TSPAN7: variants seen among roughly 807,000 people sequenced by gnomAD.
TSPAN7 encodes the protein tetraspanin-7.
TSPAN7 carries 1 observed loss-of-function variant against 17.6 expected under a neutral mutation model. The observed-to-expected ratio is 0.06, with a 90% CI of 0.02 to 0.27. The LOEUF (loss-of-function observed/expected upper bound fraction) is 0.27. Ranked by LOEUF, TSPAN7 falls within the 10% of genes least tolerant of loss-of-function variation. TSPAN7 has a pLI of 1.00. For missense variants in TSPAN7, 112 were observed against 201.7 expected (o/e 0.56, Z 2.69); for synonymous variants, 78 against 79.0 (o/e 0.99, Z 0.07).
rs770109189 is a variant in TSPAN7 at position 38,681,603 on chromosome X, A to G, written c.681+316A>G. 5.4e-5 allele frequency among the ~76,000 whole-genome samples: 6 copies of G among 111,932 alleles called. No homozygotes were observed. In the Admixed American group the frequency reaches 5.7e-4, roughly 11 times the overall value. ...AATTGGATCATAAACAACTCAAAAC[A>G]TCAAATGGCTGATCTGGATTTGGGG... On this transcript the variant is annotated intron_variant, in intron 6 of 7. Transcript: ENST00000378482.
intron 1 of TSPAN7, among the ~76,000 whole-genome samples, chrX:38,602,586 A>G (rs2069352378): frequency 1.8e-5 from 2 of 112,528 alleles, no homozygotes; most frequent in Admixed American, 1.9e-4. Context: ...AAAACATTCA[A>G]TTTAACCAGT....
At chrX:38,666,006 A>C (rs1166269923) in intron 1 of TSPAN7, 115 bp from the exon 2 acceptor site, 1 of 662,400 alleles carries the variant, frequency 1.5e-6, no homozygotes, top group Admixed American at 2.7e-5. Context: ...AGGGAATCCT[A>C]CAGCAAGTAC....
At chrX:38,654,854 C>T (rs763543368) in intron 1 of TSPAN7, among the ~76,000 whole-genome samples, 3 of 112,065 alleles carry the variant, frequency 2.7e-5, no homozygotes, top group Non-Finnish European at 3.8e-5. Flanking sequence ...GCAGGAGCCC[C>T]GTGGGGGAGT....
At chrX:38,632,460 G>T (rs1292086555) in intron 1 of TSPAN7, among the ~76,000 whole-genome samples, 4 of 112,144 alleles carry the variant, frequency 3.6e-5, no homozygotes, top group African/African-American at 1.3e-4. Flanking sequence ...GTGTTAACAA[G>T]AACCACCAGA....
At chrX:38,589,398 ATATAAGAT>A (rs1407341963) in intron 1 of TSPAN7, among the ~76,000 whole-genome samples, 1 of 111,897 alleles carries the variant, frequency 8.9e-6, no homozygotes, top group Non-Finnish European at 1.9e-5. Flanking sequence ...TTTTTTACTA[ATATAAGAT>A]TATGATTAGT....
At chrX:38,657,321 A>G (rs2069710541) in intron 1 of TSPAN7, among the ~76,000 whole-genome samples, 1 of 111,681 alleles carries the variant, frequency 9.0e-6, no homozygotes, top group African/African-American at 3.3e-5. Context: ...TATAGCCCTG[A>G]TTTTCTGTGA....
chrX:38,614,505 C>T (rs184585339), intron 1 of TSPAN7, among the ~76,000 whole-genome samples: 2 of 112,457 alleles, frequency 1.8e-5, no homozygotes, highest in South Asian at 3.7e-4. Context: ...CACCAGGGGC[C>T]GAGTTGAAAT....
chrX:38,620,837 C>A (rs2069484568), intron 1 of TSPAN7, among the ~76,000 whole-genome samples: 1 of 112,199 alleles, frequency 8.9e-6, no homozygotes, highest in African/African-American at 3.2e-5. Flanking sequence ...GGTCTCTGCC[C>A]CTTGGCACGC....
Position 38,674,264 on chromosome X carries a change from C to T in TSPAN7, c.389C>T (p.Thr130Ile). ...AGGACTTACACGGACGCTATGCAGA[C>T]TTACAATGGCAATGATGAGAGGAGC... Reference protein sequence around the residue: ...FLRTYTDAMQTYNGNDERSRA... With the variant: ...FLRTYTDAMQIYNGNDERSRA... The change falls in exon 4 of 8, where the codon ACT (threonine) becomes ATT (isoleucine). Residue 130 changes from threonine (T) to isoleucine (I), a missense_variant. Physicochemically the swap from Thr to Ile is moderately conservative, Grantham distance 89 (BLOSUM62 -1). Transcript: ENST00000378482. 1 of 1,201,127 alleles carries T rather than the reference C, an allele frequency of 8.3e-7. No individual in the cohort carries two copies. Among genetic ancestry groups the T allele is most frequent in the Non-Finnish European group, 1.1e-6 (1 of 889,843 alleles).
At chrX:38,565,355 G>A (rs1426395204) in intron 1 of TSPAN7, among the ~76,000 whole-genome samples, 3 of 111,522 alleles carry the variant, frequency 2.7e-5, no homozygotes, top group East Asian at 5.6e-4. Flanking sequence ...TCAGCCTGCC[G>A]AGTAGCTGGG....
chrX:38,665,424 C>T (rs1442501000), intron 1 of TSPAN7, among the ~76,000 whole-genome samples: 1 of 111,130 alleles, frequency 9.0e-6, no homozygotes, highest in African/African-American at 3.3e-5. Context: ...ATAGTATGCA[C>T]CCTGGAATCT....
intron 6 of TSPAN7, among the ~76,000 whole-genome samples, chrX:38,683,629 A>G (rs757351131): frequency 7.1e-5 from 8 of 112,682 alleles, no homozygotes. Context: ...GCAGGAAGAG[A>G]AATGGCTATG....
At chrX:38,606,929 C>T (rs953951352) in intron 1 of TSPAN7, among the ~76,000 whole-genome samples, 3 of 111,180 alleles carry the variant, frequency 2.7e-5, no homozygotes, top group African/African-American at 9.8e-5. Flanking sequence ...GCTAGAACTC[C>T]CTACATTTCA....
At chrX:38,562,724 A>G (rs1473341918) in intron 1 of TSPAN7, among the ~76,000 whole-genome samples, 1 of 111,226 alleles carries the variant, frequency 9.0e-6, no homozygotes, top group Admixed American at 9.4e-5. Context: ...TTCTCTTTTC[A>G]TGTCGGTGAC....
At chrX:38,645,510 G>A (rs1181077545) in intron 1 of TSPAN7, among the ~76,000 whole-genome samples, 2 of 110,226 alleles carry the variant, frequency 1.8e-5, no homozygotes, top group Non-Finnish European at 3.8e-5. Context: ...CAAGACTCCC[G>A]TCTCCAAATT....
intron 1 of TSPAN7, among the ~76,000 whole-genome samples, chrX:38,642,475 C>G (rs113023424): frequency 9.0e-6 from 1 of 111,728 alleles, no homozygotes; most frequent in African/African-American, 3.3e-5. Flanking sequence ...CCTAAACACA[C>G]GAAACAAATA....
chrX:38,681,405 C>G (rs1323461664), intron 6 of TSPAN7, 118 bp downstream of exon 6: 4 of 616,532 alleles, frequency 6.5e-6, no homozygotes, highest in Non-Finnish European at 1.1e-5. Flanking sequence ...GGGGTCAAAG[C>G]TCCTTGCTCA....
intron 1 of TSPAN7, among the ~76,000 whole-genome samples, chrX:38,625,865 T>C (rs926703409): frequency 8.9e-6 from 1 of 112,143 alleles, no homozygotes; most frequent in Non-Finnish European, 1.9e-5. Context: ...ATATAAGTCA[T>C]CTGTGGGAAC....
At chrX:38,586,656 A>G (rs1322954477) in intron 1 of TSPAN7, among the ~76,000 whole-genome samples, 6 of 112,463 alleles carry the variant, frequency 5.3e-5, no homozygotes, top group Non-Finnish European at 1.1e-4. Context: ...CTCAGAGTAT[A>G]TGATCAATTC....
Sources: gnomAD v4.1 joint callset for allele counts (sites outside exome capture counted in the v4.1 genomes callset) on GRCh38, gnomAD v4.1.1 for gene constraint, MANE v1.5 for transcripts, NCBI Gene and HGNC (gene_info 2026-07-23, HGNC 2026-07-21) for gene names.